Variants in GRID2 observed in about 807,000 individuals in gnomAD.
GRID2 encodes the protein glutamate receptor ionotropic, delta-2.
In GRID2, 33 loss-of-function variants were observed where a neutral mutation model predicts 114.8. The ratio of observed to expected loss-of-function variants is 0.29; its 90% CI spans 0.22 to 0.38. GRID2 has a LOEUF of 0.38. Among genes scored for constraint, GRID2 ranks in the 10% least tolerant of loss-of-function variants. The probability of loss-of-function intolerance (pLI) is 1.00; values close to 1 mark genes in which losing one functional copy is unlikely to be tolerated. For synonymous variants in GRID2, 505 were observed against 449.9 expected, an observed-to-expected ratio of 1.12 and a Z score of -1.55; for missense variants, 1,184 against 1,257.7, an observed-to-expected ratio of 0.94 and a Z score of 0.89.
At chr4:92,540,196 G>C (rs565922701) in intron 1 of GRID2, among the ~76,000 whole-genome samples, 1 of 152,228 alleles carries the variant, frequency 6.6e-6, no homozygotes, top group African/African-American at 2.4e-5. Flanking sequence ...AAAAACCCTA[G>C]AAGAAAACCT....
chr4:93,802,600 T>C (rs1378647365), intron 1 of GRID2, among the ~76,000 whole-genome samples: 3 of 152,232 alleles, frequency 2.0e-5, no homozygotes, highest in East Asian at 1.9e-4. Context: ...AATCTTCGAA[T>C]TGTGCATTGC....
At chr4:92,875,682 C>A (rs1235079568) in intron 2 of GRID2, among the ~76,000 whole-genome samples, 3 of 152,002 alleles carry the variant, frequency 2.0e-5, no homozygotes, top group Admixed American at 1.3e-4. Flanking sequence ...TTTTGGGAAA[C>A]ACTGATTTAA....
At chr4:93,540,055 AT>A (rs1184001015) in intron 13 of GRID2, among the ~76,000 whole-genome samples, 1 of 151,694 alleles carries the variant, frequency 6.6e-6, no homozygotes, top group Non-Finnish European at 1.5e-5. Flanking sequence ...AAGCCTTCTG[AT>A]TGATTCTTTC....
At chr4:93,316,475 C>T (rs1756677081) in intron 8 of GRID2, among the ~76,000 whole-genome samples, 1 of 151,972 alleles carries the variant, frequency 6.6e-6, no homozygotes, top group Non-Finnish European at 1.5e-5. Flanking sequence ...AAATGGGAAA[C>T]ACACATATCA....
chr4:93,630,756 C>A (rs1743168904), intron 14 of GRID2, among the ~76,000 whole-genome samples: 2 of 152,094 alleles, frequency 1.3e-5, no homozygotes, highest in South Asian at 4.1e-4. Flanking sequence ...TATGCCCTTT[C>A]TGACAGGGAT....
In GRID2 at chr4:92,742,052, TTAAA is replaced by T. The variant is rs553770643; in HGVS notation, c.244+151774_244+151777del. Among the ~76,000 whole-genome samples, 8 of 152,324 alleles carry T rather than the reference TTAAA, an allele frequency of 5.3e-5. No homozygotes were observed. The South Asian group carries it at 1.4e-3, about 28-fold the overall frequency. On this transcript the variant is annotated intron_variant, in intron 2 of 15. Coordinates refer to ENST00000282020, the MANE Select transcript of GRID2 (RefSeq NM_001510.4). ...GTAATTCAAGAAATGTCATTCTTTT[TTAAA>T]TAAATAATGAATTATACTCTGATAT...
intron 14 of GRID2, among the ~76,000 whole-genome samples, chr4:93,713,940 T>C (rs1028296353): frequency 1.3e-5 from 2 of 152,182 alleles, no homozygotes; most frequent in Non-Finnish European, 2.9e-5. Flanking sequence ...CTTTTCATTT[T>C]TTTTTATTGT....
At chr4:92,637,704 T>C (rs970674601) in intron 2 of GRID2, among the ~76,000 whole-genome samples, 4 of 152,010 alleles carry the variant, frequency 2.6e-5, no homozygotes, top group Admixed American at 6.6e-5. Flanking sequence ...CTTATTTGCG[T>C]GTTCTTTGGA....
chr4:92,978,267 A>T (rs994928963), intron 2 of GRID2, among the ~76,000 whole-genome samples: 1 of 147,610 alleles, frequency 6.8e-6, no homozygotes, highest in Non-Finnish European at 1.5e-5. Flanking sequence ...ACATTTTTCC[A>T]CAGTTTGATT....
intron 14 of GRID2, among the ~76,000 whole-genome samples, chr4:93,667,109 T>A (rs1256199890): frequency 6.6e-6 from 1 of 152,074 alleles, no homozygotes; most frequent in African/African-American, 2.4e-5. Flanking sequence ...TTGCCTTCAC[T>A]TAGCATATTC....
chr4:93,237,015 C>T lies in GRID2; in HGVS notation c.1126-1356C>T, dbSNP rs555064498. ...CATGTATTATAAGAATCAGAATAAT[C>T]TTCTGGGGTAGGCACTATTATTTTC... is the stretch of plus-strand genomic sequence containing the variant. On this transcript the variant is annotated intron_variant, in intron 7 of 15. Transcript: ENST00000282020. Among the ~76,000 whole-genome samples, 371 of 151,998 alleles carry T rather than the reference C, an allele frequency of 2.4e-3. 2 individuals are homozygous for T. Among genetic ancestry groups the T allele is most frequent in the Non-Finnish European group, 4.5e-3 (306 of 67,886 alleles).
intron 2 of GRID2, among the ~76,000 whole-genome samples, chr4:93,027,080 T>G (rs1723949860): frequency 6.6e-6 from 1 of 152,104 alleles, no homozygotes; most frequent in Non-Finnish European, 1.5e-5. Context: ...CAACACCATT[T>G]TTTTGTTTGT....
chr4:93,399,978 A>G (rs1360158915), intron 9 of GRID2, among the ~76,000 whole-genome samples: 1 of 152,120 alleles, frequency 6.6e-6, no homozygotes, highest in Non-Finnish European at 1.5e-5. Context: ...TTTAATCCTT[A>G]TAAAATTTCA....
intron 13 of GRID2, among the ~76,000 whole-genome samples, chr4:93,535,231 TACACACACACACAC>T (rs141785727): frequency 3.0e-4 from 42 of 142,280 alleles, no homozygotes; most frequent in African/African-American, 4.9e-4. Context: ...CACATACACA[TACACACACACACAC>T]ACACACACAC....
chr4:93,091,884 G>C (rs1159563132), intron 3 of GRID2, among the ~76,000 whole-genome samples: 1 of 152,102 alleles, frequency 6.6e-6, no homozygotes, highest in Non-Finnish European at 1.5e-5. Context: ...CACACAGGCT[G>C]CTCTGGGGAA....
At chr4:92,898,982 G>A (rs553091706) in intron 2 of GRID2, among the ~76,000 whole-genome samples, 50 of 152,108 alleles carry the variant, frequency 3.3e-4, no homozygotes, top group Middle Eastern at 6.8e-3. Flanking sequence ...TAACATTATA[G>A]CTGTATAGTG....
chr4:93,702,897 G>A (rs948683728), intron 14 of GRID2, among the ~76,000 whole-genome samples: 4 of 151,972 alleles, frequency 2.6e-5, no homozygotes, highest in Admixed American at 2.6e-4. Context: ...GAAGTACTAT[G>A]GATAAAAATG....
At chr4:93,609,135 C>T (rs1252781669) in intron 13 of GRID2, among the ~76,000 whole-genome samples, 1 of 110,072 alleles carries the variant, frequency 9.1e-6, no homozygotes, top group Non-Finnish European at 2.0e-5. Flanking sequence ...TGTTCATGTC[C>T]TTCGCCCACT....
intron 8 of GRID2, among the ~76,000 whole-genome samples, chr4:93,310,446 G>T (rs578139306): frequency 2.0e-5 from 3 of 152,100 alleles, no homozygotes; most frequent in Non-Finnish European, 4.4e-5. Context: ...CAGGAGAATC[G>T]CTTGAACCCG....
Sources: allele counts gnomAD v4.1 joint callset (sites outside exome capture counted in the v4.1 genomes callset), GRCh38; gene constraint gnomAD v4.1.1; transcripts MANE v1.5; gene names NCBI Gene and HGNC (gene_info 2026-07-23, HGNC 2026-07-21).